The following NICOL1 variants were observed in gnomAD, a reference collection of about 807,000 sequenced individuals.
NICOL1 encodes the protein NELL2-interacting cell ontogeny regulator 1.
the NICOL1 span, among the ~76,000 whole-genome samples, chr4:2,038,146 A>G: frequency 6.9e-6 from 1 of 145,750 alleles, no homozygotes; most frequent in Non-Finnish European, 1.5e-5. Context: ...TAATAATTAC[A>G]TTGATTTGTA....
chr4:2,038,327 G>T, the NICOL1 span, among the ~76,000 whole-genome samples: 1 of 139,106 alleles, frequency 7.2e-6, no homozygotes, highest in African/African-American at 2.7e-5. Context: ...TCACTCTGTT[G>T]CCCAGGCTGG....
chr4:2,038,198 T>G, the NICOL1 span, among the ~76,000 whole-genome samples: 3 of 143,588 alleles, frequency 2.1e-5, no homozygotes, highest in Non-Finnish European at 4.5e-5. Flanking sequence ...ATGTTTAAAT[T>G]ATTTGACATG....
chr4:2,043,203 G>A, the NICOL1 span, among the ~76,000 whole-genome samples: 2,174 of 152,272 alleles, frequency 0.014, 51 homozygotes, highest in African/African-American at 0.048. Flanking sequence ...AACTGAGGCC[G>A]GAGGATGTGG....
chr4:2,042,060 T>C, the NICOL1 span: 57 of 1,477,710 alleles, frequency 3.9e-5, 1 homozygote, highest in South Asian at 6.9e-4. Context: ...CCGGGGTCCC[T>C]GAACCGCGGT....
At chr4:2,038,265 A>G in the NICOL1 span, among the ~76,000 whole-genome samples, 9 of 73,088 alleles carry the variant, frequency 1.2e-4, no homozygotes, top group African/African-American at 2.0e-4. Flanking sequence ...ATATATATAT[A>G]TATATATATA....
chr4:2,042,854 G>T, the NICOL1 span: 574 of 1,427,396 alleles, frequency 4.0e-4, 5 homozygotes, highest in African/African-American at 7.3e-3. Flanking sequence ...CGGTCCTCCC[G>T]GGCTTCCCAG....
At chr4:2,042,052 G>T in the NICOL1 span, 24 of 1,475,330 alleles carry the variant, frequency 1.6e-5, no homozygotes, top group South Asian at 2.6e-4. Flanking sequence ...TGCTGGTCCC[G>T]GGGTCCCTGA....
the NICOL1 span, among the ~76,000 whole-genome samples, chr4:2,043,094 C>T: frequency 6.6e-6 from 1 of 152,198 alleles, no homozygotes; most frequent in Non-Finnish European, 1.5e-5. Context: ...CCTATGACCG[C>T]CACTCCTGAG....
chr4:2,039,485 A>T, the NICOL1 span, among the ~76,000 whole-genome samples: 5 of 152,224 alleles, frequency 3.3e-5, no homozygotes, highest in Non-Finnish European at 5.9e-5. Context: ...GTTCTCACCT[A>T]TAAAATATTG....
At chr4:2,040,256 G>A in the NICOL1 span, among the ~76,000 whole-genome samples, 1 of 152,194 alleles carries the variant, frequency 6.6e-6, no homozygotes, top group African/African-American at 2.4e-5. Flanking sequence ...ACAGGCGCGT[G>A]CCACCATACC....
chr4:2,042,296 G>A, the NICOL1 span: 1 of 772,422 alleles, frequency 1.3e-6, no homozygotes, highest in Non-Finnish European at 1.9e-6. Flanking sequence ...GGCGGGCGGG[G>A]CGGGCGCCGC....
At chr4:2,036,727 TAAG>T in the NICOL1 span, among the ~76,000 whole-genome samples, 1 of 151,996 alleles carries the variant, frequency 6.6e-6, no homozygotes, top group Non-Finnish European at 1.5e-5. Context: ...AGTCATGAAA[TAAG>T]AATATATATG....
chr4:2,036,764 C>G, the NICOL1 span, among the ~76,000 whole-genome samples: 1 of 152,042 alleles, frequency 6.6e-6, no homozygotes, highest in South Asian at 2.1e-4. Context: ...GGCTGTTTGG[C>G]TGGTTGATGA....
the NICOL1 span, chr4:2,042,477 C>T: frequency 1.2e-5 from 5 of 417,868 alleles, no homozygotes; most frequent in Non-Finnish European, 2.1e-5. Flanking sequence ...GTGCCGTCCC[C>T]GCGCAGAGTA....
At chr4:2,038,728 G>A in the NICOL1 span, among the ~76,000 whole-genome samples, 1 of 152,124 alleles carries the variant, frequency 6.6e-6, no homozygotes, top group African/African-American at 2.4e-5. Context: ...ATAATTATCA[G>A]AAAAAGCACG....
chr4:2,042,695 C>G, the NICOL1 span: 3 of 1,216,378 alleles, frequency 2.5e-6, no homozygotes, highest in Non-Finnish European at 3.4e-6. Context: ...TGCGGGTGAC[C>G]CCCCCTGCGC....
the NICOL1 span, chr4:2,042,028 C>A: frequency 2.0e-6 from 3 of 1,474,716 alleles, no homozygotes; most frequent in Non-Finnish European, 2.7e-6. Context: ...GAACGTCTGC[C>A]GGTGTCCCCG....
At chr4:2,042,445 G>A in the NICOL1 span, 1 of 433,680 alleles carries the variant, frequency 2.3e-6, no homozygotes. Context: ...GGGCGCCCGG[G>A]CCCGCGCCGA....
At chr4:2,037,889 A>T in the NICOL1 span, among the ~76,000 whole-genome samples, 2 of 151,592 alleles carry the variant, frequency 1.3e-5, no homozygotes, top group Non-Finnish European at 2.9e-5. Context: ...AAATTATGTT[A>T]TGCATTCTTT....
Sources: gnomAD v4.1 joint callset for allele counts (sites outside exome capture counted in the v4.1 genomes callset) on GRCh38, gnomAD v4.1.1 for gene constraint, MANE v1.5 for transcripts, NCBI Gene and HGNC (gene_info 2026-07-23, HGNC 2026-07-21) for gene names.